ZNF454: variants seen among roughly 807,000 people sequenced by gnomAD.
ZNF454 encodes zinc finger protein 454.
Under a neutral mutation model 48.2 loss-of-function variants are expected in ZNF454, and 30 were observed. The ratio of observed to expected loss-of-function variants is 0.62; its 90% CI spans 0.47 to 0.84. The LOEUF is 0.84. Among genes scored for constraint, ZNF454 ranks in the 40% least tolerant of loss-of-function variants. The probability of loss-of-function intolerance (pLI) is 0.00; values close to 1 mark genes in which losing one functional copy is unlikely to be tolerated. For missense variants in ZNF454, 510 were observed against 623.1 expected (o/e 0.82, Z 1.93); for synonymous variants, 204 against 211.4 (o/e 0.97, Z 0.30).
the ZNF454 span, chr5:178,986,566 C>A: frequency 6.2e-7 from 1 of 1,607,676 alleles, no homozygotes; most frequent in Non-Finnish European, 8.5e-7. Flanking sequence ...GGGCGTGGGC[C>A]TCATGTCCCC....
At chr5:178,985,358 C>A in the ZNF454 span, 1 of 416,676 alleles carries the variant, frequency 2.4e-6, no homozygotes, top group Non-Finnish European at 4.7e-6. Context: ...GCGGCCCTAA[C>A]TGAGCTGCTG....
At chr5:178,945,351 T>C (rs1463841533) in intron 2 of ZNF454, among the ~76,000 whole-genome samples, 2 of 150,620 alleles carry the variant, frequency 1.3e-5, no homozygotes, top group Non-Finnish European at 3.0e-5. Context: ...GGTGTATGGA[T>C]ATGGGTTGTG....
chr5:178,983,285 C>G, the ZNF454 span: 1 of 1,421,566 alleles, frequency 7.0e-7, no homozygotes, highest in Non-Finnish European at 9.8e-7. Context: ...CCAGCCCTGA[C>G]AGAGGCCCCT....
At chr5:178,980,185 G>T in the ZNF454 span, 2 of 154,366 alleles carry the variant, frequency 1.3e-5, no homozygotes, top group Non-Finnish European at 2.9e-5. The surrounding 1 kb of genome is among the most constrained non-coding windows in gnomAD (Gnocchi z 4.3). Flanking sequence ...ATAAAGTGTG[G>T]TTCACCCTCA....
At chr5:178,986,955 G>A in the ZNF454 span, 640 of 1,613,980 alleles carry the variant, frequency 4.0e-4, no homozygotes, top group East Asian at 1.1e-3. Context: ...CTCCGTTCTC[G>A]TTGAACATCA....
the ZNF454 span, chr5:178,981,891 C>A: frequency 8.2e-7 from 1 of 1,214,018 alleles, no homozygotes; most frequent in Non-Finnish European, 1.2e-6. The surrounding 1 kb of genome is among the most constrained non-coding windows in gnomAD (Gnocchi z 5.1). Context: ...GGGACTCAGC[C>A]CTGCTCTCCC....
chr5:178,976,092 C>A, the ZNF454 span: 1 of 455,094 alleles, frequency 2.2e-6, no homozygotes. Flanking sequence ...TGCCCTTGGG[C>A]CTTGCACTTG....
the ZNF454 span, chr5:178,989,135 C>T: frequency 5.0e-6 from 8 of 1,613,722 alleles, no homozygotes; most frequent in Non-Finnish European, 5.9e-6. Context: ...GCGTTCCTCG[C>T]CTGTCCTAGG....
the ZNF454 span, among the ~76,000 whole-genome samples, chr5:178,976,460 G>A: frequency 1.3e-5 from 2 of 152,146 alleles, no homozygotes; most frequent in African/African-American, 4.8e-5. Context: ...AGCAGTCTGT[G>A]GGGGGCAGTG....
the ZNF454 span, among the ~76,000 whole-genome samples, chr5:178,978,170 A>C: frequency 6.6e-6 from 1 of 152,224 alleles, no homozygotes; most frequent in Non-Finnish European, 1.5e-5. Flanking sequence ...CACGTTTAGA[A>C]ACAAAGGTAT....
the ZNF454 span, chr5:178,985,517 C>T: frequency 1.3e-4 from 44 of 339,118 alleles, no homozygotes; most frequent in Admixed American, 1.4e-3. Context: ...TCCTGGCTAA[C>T]ACGGTGAAGC....
At chr5:178,972,266 T>C in the ZNF454 span, among the ~76,000 whole-genome samples, 1 of 152,204 alleles carries the variant, frequency 6.6e-6, no homozygotes, top group Non-Finnish European at 1.5e-5. Flanking sequence ...TTTAAATATA[T>C]ACACAATATA....
At chr5:178,986,254 G>A in the ZNF454 span, 2 of 1,614,180 alleles carry the variant, frequency 1.2e-6, no homozygotes, top group South Asian at 2.2e-5. Context: ...GGTGAGCAGG[G>A]CAGAGTAGCT....
chr5:178,985,644 A>G, the ZNF454 span: 7 of 377,058 alleles, frequency 1.9e-5, no homozygotes, highest in East Asian at 3.2e-4. Flanking sequence ...CAGAGCTTGC[A>G]GGGAGCTGAG....
At chr5:178,973,306 A>C in the ZNF454 span, among the ~76,000 whole-genome samples, 1 of 152,194 alleles carries the variant, frequency 6.6e-6, no homozygotes, top group Non-Finnish European at 1.5e-5. Context: ...TTTGTATTTC[A>C]AATTTCCAAG....
rs1349560831 is a variant in ZNF454, at chr5:178,944,093, C to G, written c.33+1269C>G. On this transcript the variant is annotated intron_variant, in intron 2 of 4. Coordinates refer to ENST00000519564, the MANE Select transcript of ZNF454 (RefSeq NM_001178089.3). The surrounding 1 kb of genome is among the most constrained non-coding windows in gnomAD (Gnocchi z 4.1). The stretch of plus-strand genomic sequence containing the variant: ...GAGACAGCATTCATTTGGGCATATA[C>G]ATTCTGATACATTTGGTTAAATTGT... Among the ~76,000 whole-genome samples, 1 of 152,190 alleles carries G rather than the reference C, an allele frequency of 6.6e-6. No homozygotes were observed.
chr5:178,989,472 C>T, the ZNF454 span: 1 of 1,601,590 alleles, frequency 6.2e-7, no homozygotes, highest in Non-Finnish European at 8.5e-7. Flanking sequence ...CTGTGTCTCT[C>T]TGCCACTTGC....
At chr5:178,984,451 G>A in the ZNF454 span, among the ~76,000 whole-genome samples, 3 of 152,218 alleles carry the variant, frequency 2.0e-5, no homozygotes, top group African/African-American at 4.8e-5. Flanking sequence ...CCGTCATGAC[G>A]TGGTAGTCAT....
intron 4 of ZNF454, among the ~76,000 whole-genome samples, chr5:178,959,573 T>C (rs769002021): frequency 2.6e-5 from 4 of 152,162 alleles, no homozygotes; most frequent in African/African-American, 4.8e-5. Flanking sequence ...AATTGAGAAT[T>C]TGAGGTCAAA....
Sources: allele counts gnomAD v4.1 joint callset (sites outside exome capture counted in the v4.1 genomes callset), GRCh38; gene constraint gnomAD v4.1.1; non-coding constraint Gnocchi (gnomAD v3.1); transcripts MANE v1.5; gene names NCBI Gene and HGNC (gene_info 2026-07-23, HGNC 2026-07-21).